Variants in RIMS1 observed in about 807,000 individuals in gnomAD.
RIMS1 encodes regulating synaptic membrane exocytosis protein 1.
In RIMS1, 83 loss-of-function variants were observed where a neutral mutation model predicts 214.1. That is an observed-to-expected ratio of 0.39 (90% CI 0.32 to 0.47). RIMS1 has a LOEUF of 0.47. Among genes scored for constraint, RIMS1 ranks in the 20% least tolerant of loss-of-function variants. RIMS1 has a pLI of 0.99. For synonymous variants in RIMS1, 793 were observed against 786.8 expected, an observed-to-expected ratio of 1.01 and a Z score of -0.13; for missense variants, 2,050 against 2,161.8, an observed-to-expected ratio of 0.95 and a Z score of 1.03.
At chr6:72,029,282 G>A (rs1230102008) in intron 2 of RIMS1, among the ~76,000 whole-genome samples, 1 of 152,140 alleles carries the variant, frequency 6.6e-6, no homozygotes, top group Non-Finnish European at 1.5e-5. Flanking sequence ...AGTTAGATAA[G>A]TAGCTCTCCA....
chr6:72,284,070 C>G lies in RIMS1; in HGVS notation c.3506C>G (p.Ser1169Cys), dbSNP rs771403269. The G allele has an allele frequency of 3.1e-6, 5 of 1,613,060 alleles. No individual in the cohort carries two copies. The highest frequency in any genetic ancestry group is 4.2e-6 in the Non-Finnish European group (5 of 1,179,298). Residue 1169 changes from serine to cysteine, a missense_variant, in exon 24 of 34, where the codon TCT becomes TGT. Ser to Cys is a moderately radical substitution (Grantham distance 112). Around this residue, in one of 6 missense-constraint regions of RIMS1, gnomAD observed 889 missense variants for 885.5 expected, o/e 1.00. Coordinates refer to ENST00000521978, the MANE Select transcript of RIMS1 (RefSeq NM_014989.7). Reference protein sequence around the residue: ...NDRHSRKSERSSIQKQTRKGT... With the variant: ...NDRHSRKSERCSIQKQTRKGT... ...AGGCACTCCAGAAAGTCTGAAAGAT[C>G]TAGCATCCAAAAACAGACTAGGAAA...
At chr6:72,228,861 T>G (rs1227884784) in intron 6 of RIMS1, among the ~76,000 whole-genome samples, 1 of 151,974 alleles carries the variant, frequency 6.6e-6, no homozygotes, top group Non-Finnish European at 1.5e-5. Flanking sequence ...CTAACAGGTA[T>G]GAGGTGCTTT....
intron 2 of RIMS1, among the ~76,000 whole-genome samples, chr6:72,033,083 A>C (rs1818600986): frequency 6.6e-6 from 1 of 152,232 alleles, no homozygotes; most frequent in Admixed American, 6.5e-5. Flanking sequence ...GTGAAGAAGA[A>C]AATGAACATT....
intron 6 of RIMS1, chr6:72,216,892 T>C: frequency 9.0e-7 from 1 of 1,112,056 alleles, no homozygotes; most frequent in Non-Finnish European, 1.1e-6. Context: ...GGAGCCACTT[T>C]AGTACAGCAC....
At chr6:72,218,322 A>T (rs2057115811) in intron 6 of RIMS1, among the ~76,000 whole-genome samples, 1 of 152,100 alleles carries the variant, frequency 6.6e-6, no homozygotes, top group Admixed American at 6.5e-5. Flanking sequence ...CTCACTGCTC[A>T]CTTGCTCCCC....
intron 4 of RIMS1, among the ~76,000 whole-genome samples, chr6:72,139,162 A>G (rs916547358): frequency 6.6e-6 from 1 of 152,056 alleles, no homozygotes; most frequent in Admixed American, 6.5e-5. Context: ...ATACATATGA[A>G]AAGACTCTGG....
chr6:71,960,043 G>A (rs1792470466), intron 1 of RIMS1, among the ~76,000 whole-genome samples: 1 of 152,068 alleles, frequency 6.6e-6, no homozygotes, highest in Non-Finnish European at 1.5e-5. Context: ...TTCCTGTTTT[G>A]TTGTTTATTG....
At chr6:72,026,955 T>C (rs1816699885) in intron 2 of RIMS1, among the ~76,000 whole-genome samples, 1 of 152,122 alleles carries the variant, frequency 6.6e-6, no homozygotes, top group Admixed American at 6.6e-5. Flanking sequence ...GAAAATCAGA[T>C]GGGAAAATCA....
chr6:72,328,670 A>G (rs1219356987), intron 28 of RIMS1, among the ~76,000 whole-genome samples: 3 of 151,756 alleles, frequency 2.0e-5, no homozygotes, highest in African/African-American at 7.2e-5. Context: ...AAACAGAACT[A>G]GCAGGTTCAG....
At chr6:72,180,021 T>G in intron 5 of RIMS1, 106 bp downstream of exon 5, 1 of 709,922 alleles carries the variant, frequency 1.4e-6, no homozygotes, top group Non-Finnish European at 2.1e-6. Context: ...GAAGTAGTAC[T>G]TCTCAGGCCC....
At chr6:72,350,348 A>G (rs142281911) in intron 29 of RIMS1, among the ~76,000 whole-genome samples, 10 of 152,260 alleles carry the variant, frequency 6.6e-5, no homozygotes, top group East Asian at 1.9e-4. Context: ...TGTAGCTTCA[A>G]TGATGAGTCC....
chr6:71,997,654 T>C lies in RIMS1; in HGVS notation c.245+28591T>C, dbSNP rs138487998. Among the ~76,000 whole-genome samples the C allele has an allele frequency of 2.5e-3, 385 of 152,246 alleles. 1 individual carries two copies. The highest frequency in any genetic ancestry group is 6.0e-3 in the Admixed American group (92 of 15,284). ...CAGCAAGTTAGATGCGTGTTCTATA[T>C]AGAATGGTAAAAAGAGAAAAAGGAA... On this transcript the variant is annotated intron_variant, in intron 2 of 33. Coordinates refer to ENST00000521978, the MANE Select transcript of RIMS1 (RefSeq NM_014989.7).
chr6:72,327,077 C>G (rs765163013), intron 28 of RIMS1, among the ~76,000 whole-genome samples: 3 of 151,630 alleles, frequency 2.0e-5, no homozygotes, highest in Non-Finnish European at 4.4e-5. Context: ...CCAGCTGACA[C>G]CTTGATTTTA....
intron 4 of RIMS1, among the ~76,000 whole-genome samples, chr6:72,177,807 T>C (rs965962829): frequency 5.9e-5 from 9 of 152,156 alleles, no homozygotes; most frequent in Non-Finnish European, 1.3e-4. Flanking sequence ...TGTCACTGAC[T>C]GTTCATGAAG....
In RIMS1 at chr6:71,924,756, G is replaced by A. The variant is rs144536083; in HGVS notation, c.164+37569G>A. 3.4e-3 allele frequency among the ~76,000 whole-genome samples: 469 copies of A among 138,224 alleles called. 3 individuals carry two copies. The highest frequency in any genetic ancestry group is 0.012 in the African/African-American group (443 of 36,296). The allele number at this position is 138,224 out of a possible 152,430, so 90.7% of individuals were successfully genotyped here. A position where few individuals can be genotyped will look rare whatever the true frequency, so the allele number is the denominator to read the frequency against. On this transcript the variant is annotated intron_variant, in intron 1 of 33. Transcript: ENST00000521978. ...CAGGAGGAGGAGGTTGCAGTGAGCC[G>A]AGATCGTGCCACCACACTGCAGCCT...
intron 1 of RIMS1, among the ~76,000 whole-genome samples, chr6:71,953,509 G>T (rs1310767098): frequency 6.6e-6 from 1 of 152,000 alleles, no homozygotes; most frequent in East Asian, 1.9e-4. Flanking sequence ...TAAGCAGGGG[G>T]GAAAAAGCAT....
chr6:72,271,276 A>ATATATATATATAT (rs1223502396), intron 22 of RIMS1, among the ~76,000 whole-genome samples: 2 of 49,626 alleles, frequency 4.0e-5, no homozygotes, highest in African/African-American at 8.8e-5. Flanking sequence ...AAGGAAAAAA[A>ATATATATATATAT]AAAAAAAAAA....
intron 2 of RIMS1, among the ~76,000 whole-genome samples, chr6:72,066,597 C>G (rs891527747): frequency 1.3e-5 from 2 of 152,132 alleles, no homozygotes; most frequent in Non-Finnish European, 2.9e-5. Context: ...TTTCTTCAAG[C>G]CTGTTTTCTC....
chr6:72,288,728 C>T (rs2092825877), intron 24 of RIMS1, among the ~76,000 whole-genome samples: 1 of 152,126 alleles, frequency 6.6e-6, no homozygotes, highest in African/African-American at 2.4e-5. Flanking sequence ...TTCCTCTACC[C>T]AGCTTCCCCT....
Sources: gnomAD v4.1 joint callset for allele counts (sites outside exome capture counted in the v4.1 genomes callset) on GRCh38, gnomAD v4.1.1 for gene constraint, gnomAD v4.1.1 regional missense constraint, MANE v1.5 for transcripts, NCBI Gene and HGNC (gene_info 2026-07-23, HGNC 2026-07-21) for gene names.